DMXL1: variants seen among roughly 807,000 people sequenced by gnomAD.
DMXL1 encodes the protein dmX-like protein 1.
Under a neutral mutation model 319.2 loss-of-function variants are expected in DMXL1, and 99 were observed. The ratio of observed to expected loss-of-function variants is 0.31; its 90% confidence interval spans 0.26 to 0.37. The LOEUF (loss-of-function observed/expected upper bound fraction) is 0.37. Ranked by LOEUF, DMXL1 falls within the 10% of genes least tolerant of loss-of-function variation. The pLI, the probability that DMXL1 is intolerant of heterozygous loss-of-function variation, is 1.00. For synonymous variants in DMXL1, 1,385 were observed against 1,235.2 expected, an observed-to-expected ratio of 1.12 and a Z score of -2.54; for missense variants, 3,745 against 3,595.6, an observed-to-expected ratio of 1.04 and a Z score of -1.06.
intron 28 of DMXL1, among the ~76,000 whole-genome samples, chr5:119,183,143 C>G (rs573833635): frequency 6.6e-6 from 1 of 152,210 alleles, no homozygotes; most frequent in East Asian, 1.9e-4. Flanking sequence ...TAATGATATT[C>G]TAGACATAAA....
intron 23 of DMXL1, among the ~76,000 whole-genome samples, chr5:119,169,977 A>G (rs1005712175): frequency 3.3e-5 from 5 of 152,210 alleles, no homozygotes; most frequent in Non-Finnish European, 7.3e-5. Context: ...TCAATGGGAA[A>G]GCATCATAAT....
At chr5:119,132,894 A>G in intron 10 of DMXL1, 1 of 589,734 alleles carries the variant, frequency 1.7e-6, no homozygotes. Context: ...TAGATCTCAA[A>G]GTATGCTCTG....
chr5:119,090,145 C>T (rs1242679240), intron 1 of DMXL1, among the ~76,000 whole-genome samples: 10 of 149,218 alleles, frequency 6.7e-5, no homozygotes, highest in South Asian at 2.1e-4. Context: ...CTCAGCCTCC[C>T]GAGTAGCTGG....
intron 29 of DMXL1, among the ~76,000 whole-genome samples, chr5:119,191,106 C>T (rs1010004724): frequency 2.6e-5 from 4 of 152,176 alleles, no homozygotes; most frequent in African/African-American, 9.6e-5. Context: ...AGGGTTTTGA[C>T]AAATATCTTT....
Position 119,133,954 on chromosome 5 carries a change from A to T in DMXL1, c.2030A>T (p.Asn677Ile). 2 of 1,614,204 alleles carry T rather than the reference A, an allele frequency of 1.2e-6. No individual in the cohort carries two copies. Among genetic ancestry groups the T allele is most frequent in the East Asian group, 2.2e-5 (1 of 44,884 alleles). The change falls in exon 12 of 44, where the codon AAT becomes ATT. Residue 677 changes from asparagine to isoleucine, a missense_variant. By Grantham distance (149) the Asn-to-Ile change is moderately radical. Around this residue, in one of 4 missense-constraint regions of DMXL1, gnomAD observed 2,096 missense variants for 1,985.4 expected, o/e 1.06. Coordinates refer to ENST00000539542, the MANE Select transcript of DMXL1 (RefSeq NM_001290321.3). Reference sequence around the variant, plus strand: ...CCAGAGCAACCTTTTGATGCTCTAAATATTGAAGAATGCTCTTTGACACAA... The same window carrying T: ...CCAGAGCAACCTTTTGATGCTCTAATTATTGAAGAATGCTCTTTGACACAA... ...DNPEQPFDALNIEECSLTQQN... is the reference protein window; with the variant it reads ...DNPEQPFDALIIEECSLTQQN...
chr5:119,075,754 G>C lies in DMXL1; in HGVS notation c.87+4098G>C, dbSNP rs188141333. 1.2e-3 allele frequency among the ~76,000 whole-genome samples: 184 copies of C among 151,684 alleles called. 1 individual carries two copies. Among genetic ancestry groups the C allele is most frequent in the South Asian group, 7.3e-3 (35 of 4,794 alleles). ...AAAAAAACAAAAAAAAATGGAGGCT[G>C]GGGTCTCCTTATGTTGCCCAGGCTG... On this transcript the variant is annotated intron_variant, in intron 1 of 43. Transcript: ENST00000539542.
intron 34 of DMXL1, 71 bp downstream of exon 34, chr5:119,206,967 C>T (rs1418852375): frequency 2.8e-5 from 25 of 890,812 alleles, no homozygotes; most frequent in East Asian, 5.5e-5. Flanking sequence ...TTGCATTTTA[C>T]TTTTAAACTG....
At chr5:119,234,212 AACAGT>A (rs1368404711) in intron 39 of DMXL1, among the ~76,000 whole-genome samples, 1 of 152,146 alleles carries the variant, frequency 6.6e-6, no homozygotes, top group Non-Finnish European at 1.5e-5. Context: ...TCTTTTATTG[AACAGT>A]ACTGCTCCTT....
At chr5:119,223,144 C>A (rs534885913) in intron 37 of DMXL1, among the ~76,000 whole-genome samples, 1 of 150,844 alleles carries the variant, frequency 6.6e-6, no homozygotes, top group East Asian at 2.0e-4. Context: ...GCAACCTCCA[C>A]CCCACAGGTT....
At chr5:119,246,848 G>C in intron 43 of DMXL1, 147 bp from the exon 44 acceptor site, 1 of 559,554 alleles carries the variant, frequency 1.8e-6, no homozygotes, top group Non-Finnish European at 3.2e-6. Flanking sequence ...GGTCAGGCTG[G>C]TCTTGAACTC....
At chr5:119,162,675 A>G (rs572853051) in intron 19 of DMXL1, among the ~76,000 whole-genome samples, 29 of 152,232 alleles carry the variant, frequency 1.9e-4, no homozygotes, top group Non-Finnish European at 4.0e-4. Flanking sequence ...TAAATATGCA[A>G]ATCATAGCAA....
At chr5:119,221,134 C>G (rs1784577357) in intron 37 of DMXL1, 53 bp downstream of exon 37, 2 of 1,336,114 alleles carry the variant, frequency 1.5e-6, no homozygotes, top group African/African-American at 1.5e-5. Flanking sequence ...ATTTTTCCCT[C>G]TAGGTTAATG....
intron 9 of DMXL1, among the ~76,000 whole-genome samples, chr5:119,122,576 A>C (rs1338584538): frequency 6.8e-6 from 1 of 146,682 alleles, no homozygotes; most frequent in African/African-American, 2.6e-5. Context: ...GGGGCTCCTC[A>C]CTTCTCTGAC....
chr5:119,096,618 T>A (rs1756034144), intron 1 of DMXL1, among the ~76,000 whole-genome samples: 1 of 152,146 alleles, frequency 6.6e-6, no homozygotes, highest in Admixed American at 6.6e-5. Flanking sequence ...ATAATATGAA[T>A]CCTAGGAGAA....
chr5:119,237,895 C>T (rs1230149497), intron 40 of DMXL1, among the ~76,000 whole-genome samples: 1 of 151,962 alleles, frequency 6.6e-6, no homozygotes, highest in Non-Finnish European at 1.5e-5. Flanking sequence ...TCATAGAATA[C>T]TGAATTTATA....
At chr5:119,146,273 AG>A (rs1336955669) in intron 15 of DMXL1, among the ~76,000 whole-genome samples, 1 of 151,986 alleles carries the variant, frequency 6.6e-6, no homozygotes, top group East Asian at 1.9e-4. Flanking sequence ...ATTGTTAAAA[AG>A]GTTTTTCAGG....
rs1790094840 is a variant in DMXL1, at chr5:119,248,291, C to G, written c.*1072C>G. ...AAATGTAAAATACTCTCCAGATCTACCATTAATAGAAAATAAACTAAACCT... is the reference window on the plus strand; with the variant it reads ...AAATGTAAAATACTCTCCAGATCTAGCATTAATAGAAAATAAACTAAACCT... On this transcript the variant is annotated 3_prime_UTR_variant, in exon 44 of 44. Coordinates refer to ENST00000539542, the MANE Select transcript of DMXL1 (RefSeq NM_001290321.3). 2 of 152,368 alleles carry G rather than the reference C, an allele frequency of 1.3e-5. No homozygotes were observed. Among genetic ancestry groups the G allele is most frequent in the South Asian group, 4.1e-4 (2 of 4,826 alleles). The allele number at this position is 152,368 out of a possible 1,614,324, so 9.4% of individuals were successfully genotyped here. A position where few individuals can be genotyped will look rare whatever the true frequency, so the allele number is the denominator to read the frequency against.
chr5:119,117,548 G>A (rs1301184768), intron 7 of DMXL1, among the ~76,000 whole-genome samples: 1 of 152,062 alleles, frequency 6.6e-6, no homozygotes, highest in Admixed American at 6.6e-5. Flanking sequence ...GAAACAAGGG[G>A]TTGGGGAAGG....
chr5:119,247,295 C>T lies in DMXL1; in HGVS notation c.*76C>T. On this transcript the variant is annotated 3_prime_UTR_variant, in exon 44 of 44. Transcript: ENST00000539542. ...AGATATAATATACAGTGATCATTCT[C>T]TATGCCACAAATTAGCTAATGCTTT... is the stretch of plus-strand genomic sequence containing the variant. 1 of 989,114 alleles carries T rather than the reference C, an allele frequency of 1.0e-6. No homozygotes were observed. The highest frequency in any genetic ancestry group is 1.5e-6 in the Non-Finnish European group (1 of 676,050). 61.3% of individuals were successfully genotyped at this position (989,114 alleles called of 1,614,324 possible). A position where few individuals can be genotyped will look rare whatever the true frequency, so the allele number is the denominator to read the frequency against.
Sources: allele counts gnomAD v4.1 joint callset (sites outside exome capture counted in the v4.1 genomes callset), GRCh38; gene constraint gnomAD v4.1.1; regional missense constraint gnomAD v4.1.1; transcripts MANE v1.5; gene names NCBI Gene and HGNC (gene_info 2026-07-23, HGNC 2026-07-21).